The following ST6GAL1 variants were observed in gnomAD, a reference collection of about 807,000 sequenced individuals.
The protein encoded by ST6GAL1 is beta-galactoside alpha-2,6-sialyltransferase 1.
In ST6GAL1, 20 loss-of-function variants were observed where a neutral mutation model predicts 38.0. The observed-to-expected ratio is 0.53, with a 90% confidence interval of 0.37 to 0.77. The LOEUF is 0.77. Ranked by LOEUF, ST6GAL1 falls within the 30% of genes least tolerant of loss-of-function variation. ST6GAL1 has a pLI of 0.00. For missense variants in ST6GAL1, 432 were observed against 496.4 expected (o/e 0.87, Z 1.23); for synonymous variants, 196 against 188.2 (o/e 1.04, Z -0.34).
Position 187,062,211 on chromosome 3 carries a change from G to A in ST6GAL1, c.706-10638G>A, listed in dbSNP as rs577724243. ...AGGGTGGCTTCTATGATCAGAAATCGGAATCCGTGGGCACTGTTGATGGGA... is the reference window on the plus strand; with the variant it reads ...AGGGTGGCTTCTATGATCAGAAATCAGAATCCGTGGGCACTGTTGATGGGA... On this transcript the variant is annotated intron_variant, in intron 5 of 7. Coordinates refer to ENST00000169298, the MANE Select transcript of ST6GAL1 (RefSeq NM_173216.2). Among the ~76,000 whole-genome samples, 9 of 152,240 alleles carry A rather than the reference G, an allele frequency of 5.9e-5. No homozygotes were observed. The South Asian group carries it at 1.9e-3, about 32-fold the overall frequency.
chr3:187,035,579 G>A (rs977805004), intron 2 of ST6GAL1, among the ~76,000 whole-genome samples: 7 of 152,276 alleles, frequency 4.6e-5, no homozygotes, highest in African/African-American at 1.7e-4. Context: ...GAGCAGAATA[G>A]TGAACCCAGA....
At chr3:187,070,956 A>G (rs1282143887) in intron 5 of ST6GAL1, among the ~76,000 whole-genome samples, 3 of 152,194 alleles carry the variant, frequency 2.0e-5, no homozygotes, top group Non-Finnish European at 4.4e-5. Context: ...AAATGAGAGT[A>G]TATTCTTCAG....
chr3:187,046,806 T>C (rs1718312979), intron 4 of ST6GAL1, among the ~76,000 whole-genome samples: 2 of 152,252 alleles, frequency 1.3e-5, no homozygotes. Flanking sequence ...TTGAGGGCCA[T>C]GATGTCTGTC....
chr3:186,954,673 GT>G lies in ST6GAL1; in HGVS notation c.-324-9102del, dbSNP rs764094844. Among the ~76,000 whole-genome samples the G allele has an allele frequency of 9.5e-3, 1,412 of 148,914 alleles. 9 individuals are homozygous for G. The highest frequency in any genetic ancestry group is 0.027 in the African/African-American group (1,098 of 40,712). Reference sequence around the variant, plus strand: ...ATGTCCTTTGCCCACTTTTTAATGGGTTTTTTTTTTCTTGCAAATTTGTTTA... The same window carrying G: ...ATGTCCTTTGCCCACTTTTTAATGGGTTTTTTTTTCTTGCAAATTTGTTTA... On this transcript the variant is annotated intron_variant, in intron 1 of 7. Transcript: ENST00000169298.
chr3:187,001,444 A>G lies in ST6GAL1; in HGVS notation c.-182-37298A>G, dbSNP rs184431364. Among the ~76,000 whole-genome samples, 63 of 152,368 alleles carry G rather than the reference A, an allele frequency of 4.1e-4. No homozygotes were observed. The East Asian group carries it at 0.011, about 26-fold the overall frequency. On this transcript the variant is annotated intron_variant, in intron 2 of 7. Transcript: ENST00000169298. ...AAGTGCTGAGATCAGTGCCTGGCAC[A>G]TAAGTAGTGCTCAATAACTGTTGTA... is the stretch of plus-strand genomic sequence containing the variant.
intron 2 of ST6GAL1, among the ~76,000 whole-genome samples, chr3:187,029,017 T>C (rs938713839): frequency 7.1e-6 from 1 of 140,292 alleles, no homozygotes; most frequent in Non-Finnish European, 1.5e-5. Context: ...ACCTGGGAGG[T>C]GGAGGTTGCG....
At chr3:186,999,378 G>C (rs1283179471) in intron 2 of ST6GAL1, among the ~76,000 whole-genome samples, 2 of 151,906 alleles carry the variant, frequency 1.3e-5, no homozygotes, top group Non-Finnish European at 2.9e-5. Context: ...AAGTAGGCCC[G>C]GATTTGTCGC....
intron 5 of ST6GAL1, chr3:187,072,398 C>T (rs190688448): frequency 2.4e-4 from 54 of 224,514 alleles, no homozygotes; most frequent in Non-Finnish European, 3.0e-4. Context: ...TGTTGGACTT[C>T]GTGAGAGAGC....
chr3:186,990,952 G>C (rs2108545383), intron 2 of ST6GAL1, among the ~76,000 whole-genome samples: 1 of 152,092 alleles, frequency 6.6e-6, no homozygotes, highest in South Asian at 2.1e-4. Flanking sequence ...CCTGCTTCCA[G>C]GCTGTCTGCA....
intron 1 of ST6GAL1, among the ~76,000 whole-genome samples, chr3:186,959,390 G>A (rs750750567): frequency 3.0e-4 from 45 of 152,104 alleles, no homozygotes; most frequent in Non-Finnish European, 7.4e-5. Context: ...CTTTGTGCCC[G>A]TGCTGTCACC....
chr3:187,031,694 C>T (rs1331117737), intron 2 of ST6GAL1, among the ~76,000 whole-genome samples: 2 of 152,202 alleles, frequency 1.3e-5, no homozygotes, highest in Non-Finnish European at 2.9e-5. Context: ...CTCAGCCTCC[C>T]AAGGTGCTGG....
At chr3:187,037,023 G>A (rs1579345036) in intron 2 of ST6GAL1, among the ~76,000 whole-genome samples, 1 of 152,148 alleles carries the variant, frequency 6.6e-6, no homozygotes, top group South Asian at 2.1e-4. Flanking sequence ...CATTTTACAT[G>A]TGGGGAAACT....
intron 2 of ST6GAL1, among the ~76,000 whole-genome samples, chr3:186,976,277 G>A (rs990493126): frequency 2.0e-5 from 3 of 152,072 alleles, no homozygotes; most frequent in African/African-American, 4.8e-5. Context: ...CCCCTCCTCC[G>A]TAAGAATTGG....
chr3:187,066,012 G>C (rs546626563), intron 5 of ST6GAL1, among the ~76,000 whole-genome samples: 1 of 152,144 alleles, frequency 6.6e-6, no homozygotes, highest in Non-Finnish European at 1.5e-5. Flanking sequence ...AATCACCAAA[G>C]CTTTCTGGAA....
At chr3:187,059,495 A>C (rs7628418) in intron 5 of ST6GAL1, among the ~76,000 whole-genome samples, 11 of 152,194 alleles carry the variant, frequency 7.2e-5, no homozygotes, top group South Asian at 2.1e-4. Context: ...ACTCTTAATT[A>C]ATTCATTCAT....
At chr3:187,059,060 G>A (rs184121278) in intron 5 of ST6GAL1, among the ~76,000 whole-genome samples, 1 of 152,318 alleles carries the variant, frequency 6.6e-6, no homozygotes, top group East Asian at 1.9e-4. Context: ...TGGGGAAATA[G>A]CAATAGCCGG....
chr3:186,987,073 A>G lies in ST6GAL1; in HGVS notation c.-183+23147A>G, dbSNP rs112517229. 2.6e-5 allele frequency among the ~76,000 whole-genome samples: 4 copies of G among 151,874 alleles called. 1 individual carries two copies. The highest frequency in any genetic ancestry group is 9.6e-5 in the African/African-American group (4 of 41,452). On this transcript the variant is annotated intron_variant, in intron 2 of 7. Coordinates refer to ENST00000169298, the MANE Select transcript of ST6GAL1 (RefSeq NM_173216.2). ...GTCCTGGGGGAAAACAGAACAATCA[A>G]CTTCTATTTTACTCTTACCATTTCT...
At position 187,047,094 on chromosome 3, in the gene ST6GAL1, T is replaced by C. The variant is rs573187408; in HGVS notation, c.607+3784T>C. Among the ~76,000 whole-genome samples, 12 of 152,174 alleles carry C rather than the reference T, an allele frequency of 7.9e-5. No individual in the cohort carries two copies. The East Asian group carries it at 1.2e-3, about 15-fold the overall frequency. On this transcript the variant is annotated intron_variant, in intron 4 of 7. Coordinates refer to ENST00000169298, the MANE Select transcript of ST6GAL1 (RefSeq NM_173216.2). ...CCGAGTAGCTGGGACTACAGGTGCC[T>C]GCCACCACGCCTGGCTAATTTTTTG...
chr3:187,015,646 CT>C (rs1717090500), intron 2 of ST6GAL1, among the ~76,000 whole-genome samples: 1 of 152,024 alleles, frequency 6.6e-6, no homozygotes, highest in Admixed American at 6.6e-5. Context: ...CAAGACCAGC[CT>C]GGGCAATGTG....
Sources: gnomAD v4.1 joint callset for allele counts (sites outside exome capture counted in the v4.1 genomes callset) on GRCh38, gnomAD v4.1.1 for gene constraint, MANE v1.5 for transcripts, NCBI Gene and HGNC (gene_info 2026-07-23, HGNC 2026-07-21) for gene names.